Variants in TP53INP1 observed in about 807,000 individuals in gnomAD.
TP53INP1 encodes the protein tumor protein p53 inducible nuclear protein 1, also known as tumor protein p53-inducible nuclear protein 1.
In TP53INP1, 12 loss-of-function variants were observed where a neutral mutation model predicts 21.0. The observed-to-expected ratio is 0.57, with a 90% confidence interval of 0.37 to 0.93. The LOEUF (loss-of-function observed/expected upper bound fraction) is 0.93, where lower values mean the gene tolerates loss of function less well. Ranked by LOEUF, TP53INP1 falls within the 40% of genes least tolerant of loss-of-function variation. The probability of loss-of-function intolerance (pLI) is 0.01; values close to 1 mark genes in which losing one functional copy is unlikely to be tolerated. For missense variants in TP53INP1, 274 were observed against 294.7 expected (o/e 0.93, Z 0.51); for synonymous variants, 91 against 94.8 (o/e 0.96, Z 0.23).
chr8:94,936,119 CAT>C (rs559336021), intron 3 of TP53INP1, among the ~76,000 whole-genome samples: 30 of 152,294 alleles, frequency 2.0e-4, no homozygotes, highest in African/African-American at 2.6e-4. Flanking sequence ...AGAATTTCCA[CAT>C]GAGAGGCATT....
intron 3 of TP53INP1, among the ~76,000 whole-genome samples, chr8:94,934,918 G>A (rs932287485): frequency 7.9e-5 from 12 of 152,082 alleles, no homozygotes; most frequent in Non-Finnish European, 1.5e-5. Context: ...ATATAGCCTG[G>A]CATCATGTAA....
At chr8:94,933,834 TGG>T (rs572867137) in intron 3 of TP53INP1, among the ~76,000 whole-genome samples, 2 of 59,008 alleles carry the variant, frequency 3.4e-5, no homozygotes, top group Non-Finnish European at 3.4e-5. Flanking sequence ...CAGCACTTTG[TGG>T]GGGGGGGGGG....
At chr8:94,939,421 G>C (rs963100854) in intron 3 of TP53INP1, among the ~76,000 whole-genome samples, 4 of 152,268 alleles carry the variant, frequency 2.6e-5, no homozygotes, top group South Asian at 2.1e-4. Context: ...TTTTGAGACA[G>C]AGTCTTGCTC....
At chr8:94,948,481 G>A (rs1283091969) in intron 1 of TP53INP1, among the ~76,000 whole-genome samples, 1 of 152,226 alleles carries the variant, frequency 6.6e-6, no homozygotes, top group African/African-American at 2.4e-5. Context: ...GCAAAGTCAG[G>A]TAGCGAAGAC....
intron 3 of TP53INP1, 142 bp from the exon 4 acceptor site, chr8:94,930,870 T>TTTA: frequency 3.0e-6 from 3 of 1,013,064 alleles, no homozygotes; most frequent in Non-Finnish European, 4.2e-6. Flanking sequence ...GACAGACAAG[T>TTTA]TTATTATTCT....
At chr8:94,938,076 C>A (rs575049315) in intron 3 of TP53INP1, among the ~76,000 whole-genome samples, 2 of 152,210 alleles carry the variant, frequency 1.3e-5, no homozygotes, top group Non-Finnish European at 2.9e-5. Flanking sequence ...ATATTAATAC[C>A]TTGAAACAGG....
rs987021133 is a variant in TP53INP1, at chr8:94,927,020, A to T, written c.*3459T>A. ...TATTTATGGGCCTTATAAAATAAAA[A>T]GATAATTTTAAAGTAACATTACAAA... On this transcript the variant is annotated 3_prime_UTR_variant, in exon 4 of 4. Transcript: ENST00000342697. 6.6e-6 allele frequency: 1 copy of T among 152,320 alleles called. No homozygotes were observed. The highest frequency in any genetic ancestry group is 2.4e-5 in the African/African-American group (1 of 41,468). 9.4% of individuals were successfully genotyped at this position (152,320 alleles called of 1,614,324 possible).
chr8:94,946,554 G>A (rs1422227655), intron 1 of TP53INP1, among the ~76,000 whole-genome samples: 1 of 151,670 alleles, frequency 6.6e-6, no homozygotes, highest in East Asian at 1.9e-4. Context: ...TAAATTAGCT[G>A]GGTGTGGTGG....
intron 3 of TP53INP1, chr8:94,932,172 C>T (rs749447135): frequency 8.3e-5 from 127 of 1,539,046 alleles, no homozygotes; most frequent in Middle Eastern, 1.7e-4. Flanking sequence ...TGTAACTTTA[C>T]TATTAGGACG....
At chr8:94,932,735 G>A (rs1052271940) in intron 3 of TP53INP1, among the ~76,000 whole-genome samples, 35 of 152,152 alleles carry the variant, frequency 2.3e-4, no homozygotes, top group East Asian at 7.7e-4. Flanking sequence ...CCCAGGAGGC[G>A]GAGCTTGCAG....
Position 94,926,881 on chromosome 8 carries a change from T to G in TP53INP1, c.*3598A>C, listed in dbSNP as rs1237518093. The G allele has an allele frequency of 6.6e-6, 1 of 152,236 alleles. No individual in the cohort carries two copies. Among genetic ancestry groups the G allele is most frequent in the Non-Finnish European group, 1.5e-5 (1 of 68,044 alleles). 9.4% of individuals were successfully genotyped at this position (152,236 alleles called of 1,614,324 possible). A position where few individuals can be genotyped will look rare whatever the true frequency, so the allele number is the denominator to read the frequency against. On this transcript the variant is annotated 3_prime_UTR_variant, in exon 4 of 4. Coordinates refer to ENST00000342697, the MANE Select transcript of TP53INP1 (RefSeq NM_033285.4). ...TTTTCTAAATAAAGCATTTTATGTA[T>G]AATTTTAAGCATTAAAGTAAGTAGA... is the stretch of plus-strand genomic sequence containing the variant.
At chr8:94,948,194 C>T (rs1296913549) in intron 1 of TP53INP1, among the ~76,000 whole-genome samples, 1 of 152,180 alleles carries the variant, frequency 6.6e-6, no homozygotes, top group Non-Finnish European at 1.5e-5. Context: ...GCAAAACAGA[C>T]TCTCCAGGTA....
chr8:94,940,966 G>A lies in TP53INP1; in HGVS notation c.-25C>T. 6.4e-7 allele frequency: 1 copy of A among 1,571,002 alleles called. No homozygotes were observed. Among genetic ancestry groups the A allele is most frequent in the Non-Finnish European group, 8.7e-7 (1 of 1,145,502 alleles). On this transcript the variant is annotated 5_prime_UTR_variant, in exon 2 of 4. Coordinates refer to ENST00000342697, the MANE Select transcript of TP53INP1 (RefSeq NM_033285.4). ...TTGTTAAGGCAAGACTGAGAGTTTG[G>A]CTGGATGTCTTTTATAGCTGAGATT...
At chr8:94,933,542 C>CTCACCTGAA (rs1459757282) in intron 3 of TP53INP1, among the ~76,000 whole-genome samples, 19 of 152,024 alleles carry the variant, frequency 1.2e-4, no homozygotes, top group African/African-American at 4.6e-4. Flanking sequence ...AGGCAGGTGG[C>CTCACCTGAA]TCACCTGAAG....
At chr8:94,942,855 C>A (rs1821676652) in intron 1 of TP53INP1, among the ~76,000 whole-genome samples, 1 of 152,086 alleles carries the variant, frequency 6.6e-6, no homozygotes, top group Non-Finnish European at 1.5e-5. Context: ...CGCTCAAGGT[C>A]CAGAGGGAGG....
chr8:94,939,147 AG>A (rs1821277779), intron 3 of TP53INP1, among the ~76,000 whole-genome samples: 1 of 152,220 alleles, frequency 6.6e-6, no homozygotes, highest in Non-Finnish European at 1.5e-5. Flanking sequence ...TTCTCAGACA[AG>A]GTTTTCAAGG....
At chr8:94,932,081 G>T (rs372202256) in intron 3 of TP53INP1, 1 of 1,610,426 alleles carries the variant, frequency 6.2e-7, no homozygotes, top group South Asian at 1.1e-5. Context: ...CTGTGCCCGT[G>T]AGTCTTATAA....
intron 3 of TP53INP1, among the ~76,000 whole-genome samples, chr8:94,931,587 TACACACACAC>T (rs557721378): frequency 1.5e-5 from 1 of 68,532 alleles, no homozygotes; most frequent in Admixed American, 1.9e-4. Context: ...ACATATTTAT[TACACACACAC>T]ACACACACAC....
At chr8:94,942,846 G>A (rs4735333) in intron 1 of TP53INP1, among the ~76,000 whole-genome samples, 66,702 of 152,004 alleles carry the variant, frequency 0.44, 15,741 homozygotes, top group East Asian at 0.72. Context: ...CTTCAGTACC[G>A]CTCAAGGTCC....
Sources: gnomAD v4.1 joint callset for allele counts (sites outside exome capture counted in the v4.1 genomes callset) on GRCh38, gnomAD v4.1.1 for gene constraint, MANE v1.5 for transcripts, NCBI Gene and HGNC (gene_info 2026-07-23, HGNC 2026-07-21) for gene names.